Variants in CMAS observed in about 807,000 individuals in gnomAD.
CMAS encodes N-acylneuraminate cytidylyltransferase.
Under a neutral mutation model 53.4 loss-of-function variants are expected in CMAS, and 21 were observed. The observed-to-expected ratio is 0.39, with a 90% CI of 0.28 to 0.57. The LOEUF is 0.57. CMAS is among the 20% of genes least tolerant of loss of function. The probability of loss-of-function intolerance (pLI) is 0.56; values close to 1 mark genes in which losing one functional copy is unlikely to be tolerated. For synonymous variants in CMAS, 189 were observed against 195.2 expected (o/e 0.97, Z 0.27); for missense variants, 384 against 534.9 (o/e 0.72, Z 2.78).
intron 4 of CMAS, 164 bp from the exon 5 acceptor site, chr12:22,060,668 G>A: frequency 1.9e-6 from 1 of 519,348 alleles, no homozygotes; most frequent in South Asian, 2.6e-5. Context: ...AAATAAAAAA[G>A]TAAAAATAAA....
intron 1 of CMAS, among the ~76,000 whole-genome samples, chr12:22,053,917 TTTG>T (rs1333814189): frequency 6.8e-6 from 1 of 146,130 alleles, no homozygotes; most frequent in African/African-American, 2.6e-5. Flanking sequence ...ATGGCAGGGT[TTTG>T]TTGTTGTTTT....
At position 22,055,618 on chromosome 12, in the gene CMAS, C is replaced by CT; in HGVS notation, c.559+12dup. On this transcript the variant is annotated intron_variant, in intron 3 of 7. Transcript: ENST00000229329. ...GTGAAATTCAGAAAGGAGGTAATCT[C>CT]TTTTCAGTCTTTATTTTAGCTGATT... The CT allele has an allele frequency of 2.5e-6, 4 of 1,603,856 alleles. No homozygotes were observed. The highest frequency in any genetic ancestry group is 3.4e-6 in the Non-Finnish European group (4 of 1,177,452).
intron 1 of CMAS, 73 bp downstream of exon 1, chr12:22,046,636 T>TGGGGCCTCC: frequency 7.2e-7 from 1 of 1,392,714 alleles, no homozygotes; most frequent in Non-Finnish European, 9.4e-7. Flanking sequence ...CTGGAGGGGC[T>TGGGGCCTCC]GGGGCCTCCG....
rs1950269807 is a variant in CMAS at position 22,056,614 on chromosome 12, C to T, written c.559+1004C>T. 2.0e-5 allele frequency among the ~76,000 whole-genome samples: 3 copies of T among 152,040 alleles called. No homozygotes were observed. The South Asian group carries it at 6.2e-4, about 31-fold the overall frequency. On this transcript the variant is annotated intron_variant, in intron 3 of 7. Coordinates refer to ENST00000229329, the MANE Select transcript of CMAS (RefSeq NM_018686.6). The stretch of plus-strand genomic sequence containing the variant: ...ACTAAGGGATCTGATGACCACAATA[C>T]TATTATGATGTCTCCCTGCTTTCCA...
intron 7 of CMAS, among the ~76,000 whole-genome samples, chr12:22,064,433 TTATATA>T (rs571869396): frequency 6.6e-6 from 1 of 151,934 alleles, no homozygotes; most frequent in Non-Finnish European, 1.5e-5. Context: ...ATTTAAGAGA[TTATATA>T]TATATAAACA....
intron 1 of CMAS, among the ~76,000 whole-genome samples, chr12:22,054,947 C>T (rs746178005): frequency 6.6e-6 from 1 of 152,014 alleles, no homozygotes; most frequent in Non-Finnish European, 1.5e-5. Context: ...TCTAGGACTG[C>T]ATTTTTATTC....
intron 1 of CMAS, among the ~76,000 whole-genome samples, chr12:22,047,287 A>G (rs972357796): frequency 1.3e-5 from 2 of 152,152 alleles, no homozygotes; most frequent in African/African-American, 2.4e-5. Flanking sequence ...TACATTGCCA[A>G]ATTGGTCAGG....
At chr12:22,053,980 G>A (rs1330862224) in intron 1 of CMAS, among the ~76,000 whole-genome samples, 2 of 150,030 alleles carry the variant, frequency 1.3e-5, no homozygotes, top group African/African-American at 2.4e-5. Context: ...AGGCTGGAGT[G>A]CAGTGGCGCG....
At chr12:22,053,490 A>G (rs566862143) in intron 1 of CMAS, among the ~76,000 whole-genome samples, 45 of 144,756 alleles carry the variant, frequency 3.1e-4, no homozygotes, top group South Asian at 4.7e-4. Flanking sequence ...TTGTGTGTGT[A>G]TATATATATA....
chr12:22,046,399 C>G lies in CMAS; in HGVS notation c.96C>G (p.Arg32=). The G allele has an allele frequency of 6.3e-7, 1 of 1,587,512 alleles. No individual in the cohort carries two copies. The highest frequency in any genetic ancestry group is 1.4e-5 in the African/African-American group (1 of 73,922). Residue 32 remains arginine, a synonymous_variant, in exon 1 of 8, where the codon CGC becomes CGG. Coordinates refer to ENST00000229329, the MANE Select transcript of CMAS (RefSeq NM_018686.6). ...CGCCGAAGCTGCAGCGCAACTCTCG[C>G]GGCGGCCAGGGCCGAGGTGTGGAGA... ...GRPPKLQRNS[R]GGQGRGVEKP...
At chr12:22,058,792 TAAAG>T (rs1406341429) in intron 4 of CMAS, 92 bp downstream of exon 4, 2 of 1,413,046 alleles carry the variant, frequency 1.4e-6, no homozygotes, top group African/African-American at 1.5e-5. Flanking sequence ...TTCTTTATGA[TAAAG>T]AAAAGTATCA....
At chr12:22,061,842 C>G (rs116912185) in intron 6 of CMAS, among the ~76,000 whole-genome samples, 21 of 152,092 alleles carry the variant, frequency 1.4e-4, no homozygotes, top group Non-Finnish European at 2.5e-4. Context: ...AATAACTTAA[C>G]GTTTAAGTGT....
chr12:22,064,320 T>G (rs1015493662), intron 7 of CMAS, among the ~76,000 whole-genome samples: 1 of 152,148 alleles, frequency 6.6e-6, no homozygotes, highest in Non-Finnish European at 1.5e-5. Context: ...GATATCGTTA[T>G]GTCAGTATGA....
chr12:22,050,926 A>G (rs1021472944), intron 1 of CMAS, among the ~76,000 whole-genome samples: 3 of 152,044 alleles, frequency 2.0e-5, no homozygotes, highest in Admixed American at 6.6e-5. Context: ...TTGACTTACT[A>G]TGAAGCTGTA....
At chr12:22,058,424 C>CAAAAAA in intron 3 of CMAS, 143 bp from the exon 4 acceptor site, 1 of 530,094 alleles carries the variant, frequency 1.9e-6, no homozygotes, top group Non-Finnish European at 3.0e-6. Flanking sequence ...GACTCTGTCT[C>CAAAAAA]AAAAAAAAAA....
chr12:22,057,631 A>G (rs1950276750), intron 3 of CMAS, among the ~76,000 whole-genome samples: 1 of 152,128 alleles, frequency 6.6e-6, no homozygotes, highest in East Asian at 1.9e-4. Context: ...AAATATTAAT[A>G]TAGGTATTTT....
chr12:22,065,302 C>G lies in CMAS; in HGVS notation c.1296C>G (p.Cys432Trp). ...CLLMEKVNNS[C>W]QK The stretch of plus-strand genomic sequence containing the variant: ...TAATGGAAAAGGTTAATAATTCATG[C>G]CAAAAATAGAAATTAGCGTAATATT... Residue 432 changes from cysteine (C) to tryptophan (W), a missense_variant, in exon 8 of 8, where the codon TGC becomes TGG. Physicochemically the swap from Cys to Trp is radical, Grantham distance 215. Coordinates refer to ENST00000229329, the MANE Select transcript of CMAS (RefSeq NM_018686.6). The G allele has an allele frequency of 6.2e-7, 1 of 1,605,446 alleles. No individual in the cohort carries two copies. Among genetic ancestry groups the G allele is most frequent in the Admixed American group, 1.7e-5 (1 of 59,494 alleles).
At chr12:22,060,333 T>A (rs1591794704) in intron 4 of CMAS, among the ~76,000 whole-genome samples, 8 of 54,128 alleles carry the variant, frequency 1.5e-4, no homozygotes, top group East Asian at 7.0e-4. Context: ...GCTTTCTCCT[T>A]AAAAAAAAAA....
intron 3 of CMAS, among the ~76,000 whole-genome samples, chr12:22,057,240 T>TACACACACACACACACACACAC (rs71053372): frequency 1.7e-5 from 2 of 118,030 alleles, no homozygotes; most frequent in Non-Finnish European, 1.6e-5. Context: ...CACACACACA[T>TACACACACACACACACACACAC]ACACACACAC....
Sources: allele counts gnomAD v4.1 joint callset (sites outside exome capture counted in the v4.1 genomes callset), GRCh38; gene constraint gnomAD v4.1.1; transcripts MANE v1.5; gene names NCBI Gene and HGNC (gene_info 2026-07-23, HGNC 2026-07-21).